TRAPPC9: variants seen among roughly 807,000 people sequenced by gnomAD.
TRAPPC9 encodes trafficking protein particle complex subunit 9.
In TRAPPC9, 83 loss-of-function variants were observed where a neutral mutation model predicts 124.0. That is an observed-to-expected ratio of 0.67 (90% confidence interval 0.56 to 0.80). The LOEUF is 0.80. TRAPPC9 is among the 30% of genes least tolerant of loss of function. TRAPPC9 has a pLI of 0.00. For missense variants in TRAPPC9, 1,302 were observed against 1,508.3 expected (o/e 0.86, Z 2.27); for synonymous variants, 638 against 617.5 (o/e 1.03, Z -0.49).
chr8:139,902,870 G>A (rs751715388), intron 20 of TRAPPC9, among the ~76,000 whole-genome samples: 1 of 152,178 alleles, frequency 6.6e-6, no homozygotes, highest in Non-Finnish European at 1.5e-5. Flanking sequence ...TGAAAATGGA[G>A]AACAAAGCCC....
At chr8:140,233,665 T>C (rs1298197586) in intron 16 of TRAPPC9, among the ~76,000 whole-genome samples, 1 of 56,466 alleles carries the variant, frequency 1.8e-5, no homozygotes, top group Non-Finnish European at 3.7e-5. Flanking sequence ...ACACACCCTC[T>C]CTCTCCCCTA....
intron 21 of TRAPPC9, among the ~76,000 whole-genome samples, chr8:139,824,593 C>T (rs1825490384): frequency 6.6e-6 from 1 of 152,154 alleles, no homozygotes; most frequent in Admixed American, 6.5e-5. Flanking sequence ...CAGATTCTCG[C>T]TCTTTCACCC....
At chr8:139,756,819 G>C (rs1819846447) in intron 21 of TRAPPC9, among the ~76,000 whole-genome samples, 1 of 121,290 alleles carries the variant, frequency 8.2e-6, no homozygotes, top group Non-Finnish European at 1.7e-5. Flanking sequence ...GAGGAGCCAG[G>C]GATTGGGGAT....
intron 19 of TRAPPC9, chr8:139,933,382 C>T (rs1833320607): frequency 1.3e-5 from 2 of 152,280 alleles, no homozygotes; most frequent in South Asian, 2.1e-4. Flanking sequence ...TATCATCTCT[C>T]CTGCAGGAAG....
At chr8:139,901,694 T>G (rs1422415859) in intron 20 of TRAPPC9, among the ~76,000 whole-genome samples, 1 of 152,120 alleles carries the variant, frequency 6.6e-6, no homozygotes, top group Non-Finnish European at 1.5e-5. Context: ...CTCTGGTAAG[T>G]GGGGATAATG....
intron 21 of TRAPPC9, among the ~76,000 whole-genome samples, chr8:139,779,114 A>G (rs1269072628): frequency 1.3e-5 from 2 of 152,186 alleles, no homozygotes; most frequent in African/African-American, 4.8e-5. Flanking sequence ...AAAGAGAGAC[A>G]TGTTGTATAC....
intron 21 of TRAPPC9, among the ~76,000 whole-genome samples, chr8:139,851,343 C>A (rs1827442770): frequency 6.6e-6 from 1 of 152,166 alleles, no homozygotes; most frequent in East Asian, 1.9e-4. Flanking sequence ...AACTGGAATT[C>A]AGGAGCTCAG....
intron 17 of TRAPPC9, among the ~76,000 whole-genome samples, chr8:140,043,209 C>T (rs972167538): frequency 1.3e-5 from 2 of 152,210 alleles, no homozygotes; most frequent in African/African-American, 4.8e-5. Flanking sequence ...TCTATAAGCT[C>T]TTCCACTTTT....
chr8:139,873,187 T>G (rs930448064), intron 21 of TRAPPC9, among the ~76,000 whole-genome samples: 1 of 152,048 alleles, frequency 6.6e-6, no homozygotes. Context: ...AAGTCTAGAA[T>G]AGTGCTTCAA....
At chr8:139,877,744 C>CTGAGGAACA (rs1305982875) in intron 21 of TRAPPC9, among the ~76,000 whole-genome samples, 2 of 152,244 alleles carry the variant, frequency 1.3e-5, no homozygotes, top group East Asian at 3.9e-4. Context: ...GGCTCCAAGC[C>CTGAGGAACA]TGAGGAACAT....
At position 140,036,610 on chromosome 8, in the gene TRAPPC9, C is replaced by T. The variant is rs1282832648; in HGVS notation, c.2557-12531G>A. 2.0e-5 allele frequency among the ~76,000 whole-genome samples: 3 copies of T among 152,184 alleles called. No homozygotes were observed. In the South Asian group the frequency reaches 6.2e-4, roughly 32 times the overall value. On this transcript the variant is annotated intron_variant, in intron 17 of 22. Transcript: ENST00000438773. ...TTAGGACACAGGAAGTTTGAGATTC[C>T]GAAGGACATCCAAGTGATGACAGTG...
Position 139,731,058 on chromosome 8 carries a change from G to A in TRAPPC9, c.*3C>T. The A allele has an allele frequency of 6.2e-7, 1 of 1,612,218 alleles. No individual in the cohort carries two copies. The highest frequency in any genetic ancestry group is 8.5e-7 in the Non-Finnish European group (1 of 1,179,930). On this transcript the variant is annotated 3_prime_UTR_variant, in exon 23 of 23. Transcript: ENST00000438773. ...GCAGAAAGAGGGACGGAAGTAGGCG[G>A]GCTCAGGCCTGCGCCTCCAGGGCAC...
At chr8:139,760,657 C>T (rs1182422681) in intron 21 of TRAPPC9, among the ~76,000 whole-genome samples, 1 of 152,208 alleles carries the variant, frequency 6.6e-6, no homozygotes, top group Non-Finnish European at 1.5e-5. Flanking sequence ...TCCACCAGCC[C>T]TCAGGTGACA....
chr8:140,127,265 G>A (rs568729367), intron 17 of TRAPPC9, among the ~76,000 whole-genome samples: 8 of 152,320 alleles, frequency 5.3e-5, no homozygotes, highest in Non-Finnish European at 7.3e-5. Context: ...GCCTACCTGC[G>A]TGATGGACAG....
At chr8:140,272,414 A>ATGGTGATGG (rs200029176) in intron 15 of TRAPPC9, among the ~76,000 whole-genome samples, 2 of 107,538 alleles carry the variant, frequency 1.9e-5, no homozygotes, top group African/African-American at 2.9e-5. Context: ...GATAATGGTG[A>ATGGTGATGG]TGGTGATGGT....
chr8:140,389,319 G>T (rs1219883435), intron 7 of TRAPPC9, among the ~76,000 whole-genome samples: 2 of 152,160 alleles, frequency 1.3e-5, no homozygotes, highest in African/African-American at 4.8e-5. Flanking sequence ...TTTTCTGAAG[G>T]TTTGAAGTCT....
intron 21 of TRAPPC9, among the ~76,000 whole-genome samples, chr8:139,791,336 C>G (rs1036646613): frequency 1.5e-4 from 20 of 134,766 alleles, no homozygotes; most frequent in Admixed American, 9.5e-4. Flanking sequence ...GACACACACA[C>G]GCTCACACTC....
intron 17 of TRAPPC9, chr8:140,095,322 G>A (rs1299111349): frequency 6.6e-6 from 1 of 152,264 alleles, no homozygotes; most frequent in Admixed American, 6.5e-5. Context: ...TCTGGGCTGG[G>A]ACAGAGAATG....
At chr8:140,430,891 T>G (rs575259446) in intron 4 of TRAPPC9, among the ~76,000 whole-genome samples, 1 of 152,144 alleles carries the variant, frequency 6.6e-6, no homozygotes. Context: ...CCATGCACTG[T>G]GGCCTCCCAA....
Sources: allele counts gnomAD v4.1 joint callset (sites outside exome capture counted in the v4.1 genomes callset), GRCh38; gene constraint gnomAD v4.1.1; transcripts MANE v1.5; gene names NCBI Gene and HGNC (gene_info 2026-07-23, HGNC 2026-07-21).